The following RPGRIP1 variants were observed in gnomAD, a reference collection of about 807,000 sequenced individuals.
The protein encoded by RPGRIP1 is X-linked retinitis pigmentosa GTPase regulator-interacting protein 1.
In RPGRIP1, 128 loss-of-function variants were observed where a neutral mutation model predicts 157.9. The observed-to-expected ratio is 0.81, with a 90% confidence interval of 0.70 to 0.94. RPGRIP1 has a LOEUF of 0.94. Among genes scored for constraint, RPGRIP1 ranks in the 40% least tolerant of loss-of-function variants. The probability of loss-of-function intolerance (pLI) is 0.00; values close to 1 mark genes in which losing one functional copy is unlikely to be tolerated. For missense variants in RPGRIP1, 1,486 were observed against 1,545.8 expected (o/e 0.96, Z 0.65); for synonymous variants, 554 against 571.6 (o/e 0.97, Z 0.44).
In RPGRIP1 at chr14:21,343,088, C is replaced by G. The variant is rs755631828; in HGVS notation, c.3392C>G (p.Ala1131Gly). The change falls in exon 22 of 25, where the codon GCA becomes GGA. Residue 1131 changes from alanine (A) to glycine (G), a missense_variant. Coordinates refer to ENST00000400017, the MANE Select transcript of RPGRIP1 (RefSeq NM_020366.4). ...EIVSLAFYPE[A>G]EVMSDENIKQ... Reference sequence around the variant, plus strand: ...GTCTCCCTGGCCTTCTACCCAGAGGCAGAAGTGATGTCTGATGAGAACATA... The same window carrying G: ...GTCTCCCTGGCCTTCTACCCAGAGGGAGAAGTGATGTCTGATGAGAACATA... 6.2e-7 allele frequency: 1 copy of G among 1,612,882 alleles called. No homozygotes were observed. Among genetic ancestry groups the G allele is most frequent in the South Asian group, 1.1e-5 (1 of 91,020 alleles).
intron 19 of RPGRIP1, among the ~76,000 whole-genome samples, chr14:21,329,412 T>A (rs1481892087): frequency 6.6e-6 from 1 of 152,130 alleles, no homozygotes; most frequent in Non-Finnish European, 1.5e-5. Context: ...CCCTGGACTG[T>A]TCATTTCAAT....
At chr14:21,327,512 T>C (rs1883236437) in intron 17 of RPGRIP1, 111 bp from the exon 18 acceptor site, 1 of 841,354 alleles carries the variant, frequency 1.2e-6, no homozygotes, top group African/African-American at 1.7e-5. Context: ...AATTAATTGC[T>C]GATAAAATAT....
intron 2 of RPGRIP1, among the ~76,000 whole-genome samples, chr14:21,292,295 G>T (rs1880562838): frequency 6.6e-6 from 1 of 150,878 alleles, no homozygotes; most frequent in Non-Finnish European, 1.5e-5. Context: ...ACATTATTTT[G>T]CAGGTTCTTT....
intron 4 of RPGRIP1, among the ~76,000 whole-genome samples, chr14:21,301,989 A>G (rs1038219899): frequency 6.6e-6 from 1 of 152,130 alleles, no homozygotes; most frequent in Non-Finnish European, 1.5e-5. Context: ...GGTAAAGGAA[A>G]TCTACACACA....
At chr14:21,309,360 A>T (rs1198040833) in intron 7 of RPGRIP1, among the ~76,000 whole-genome samples, 1 of 152,032 alleles carries the variant, frequency 6.6e-6, no homozygotes, top group African/African-American at 2.4e-5. Context: ...AAAAATAGAA[A>T]AATTAGACAG....
At chr14:21,342,543 CAA>C (rs58979311) in intron 21 of RPGRIP1, among the ~76,000 whole-genome samples, 71 of 113,240 alleles carry the variant, frequency 6.3e-4, no homozygotes, top group Middle Eastern at 4.5e-3. Flanking sequence ...GACTCTGTCT[CAA>C]AAAAAAAAAA....
intron 23 of RPGRIP1, among the ~76,000 whole-genome samples, chr14:21,346,715 G>A (rs1041200126): frequency 1.3e-5 from 2 of 152,110 alleles, no homozygotes; most frequent in African/African-American, 4.8e-5. Flanking sequence ...TTGTTTGTTT[G>A]TTTTAGAGAC....
At position 21,324,938 on chromosome 14, in the gene RPGRIP1, C is replaced by A. The variant is rs377020451; in HGVS notation, c.2083C>A (p.Gln695Lys). The A allele has an allele frequency of 3.1e-6, 5 of 1,613,906 alleles. No individual in the cohort carries two copies. In the African/African-American group the frequency reaches 6.7e-5, roughly 22 times the overall value. ...AGATTCGCTTTTCTTACACTACCTT[C>A]AAGAGGCTTCAGCCCGGCTTGACAT... Reference protein sequence around the residue: ...ETDSLFLHYLQEASARLDIHQ... With the variant: ...ETDSLFLHYLKEASARLDIHQ... Residue 695 changes from glutamine to lysine, a missense_variant, in exon 15 of 25, where the codon CAA becomes AAA. By Grantham distance (53) the Gln-to-Lys change is moderately conservative. Transcript: ENST00000400017.
At chr14:21,348,548 T>A (rs1355194651) in intron 24 of RPGRIP1, among the ~76,000 whole-genome samples, 8 of 152,168 alleles carry the variant, frequency 5.3e-5, no homozygotes, top group Non-Finnish European at 1.0e-4. Flanking sequence ...AAAAGGAGAT[T>A]TTTAAAAAGA....
chr14:21,296,283 T>A (rs1594168693), intron 3 of RPGRIP1, among the ~76,000 whole-genome samples: 1 of 151,864 alleles, frequency 6.6e-6, no homozygotes, highest in African/African-American at 2.4e-5. Flanking sequence ...CCCAGGCTGG[T>A]CTCGAACTCC....
At chr14:21,340,562 G>A (rs1884891397) in intron 21 of RPGRIP1, among the ~76,000 whole-genome samples, 1 of 152,154 alleles carries the variant, frequency 6.6e-6, no homozygotes. Flanking sequence ...GGCTGGGGCA[G>A]GAGAATCGCT....
intron 10 of RPGRIP1, among the ~76,000 whole-genome samples, chr14:21,314,546 G>A (rs551432443): frequency 6.6e-6 from 1 of 151,382 alleles, no homozygotes; most frequent in Non-Finnish European, 1.5e-5. Context: ...GAGCTCAGGA[G>A]TTCACGACCA....
chr14:21,300,991 A>AC lies in RPGRIP1; in HGVS notation c.246dup (p.Ala83ArgfsTer96). The AC allele has an allele frequency of 6.2e-7, 1 of 1,612,878 alleles. No individual in the cohort carries two copies. The highest frequency in any genetic ancestry group is 8.5e-7 in the Non-Finnish European group (1 of 1,179,414). On this transcript the variant is annotated frameshift_variant, in exon 4 of 25. Transcript: ENST00000400017. LOFTEE classifies it high-confidence loss of function. ...GCTGAGGACCACCTTGCTGCGGTTG[A>AC]CCGCTGCTGGCCGGGACCTGCGGGT...
chr14:21,285,098 G>A (rs191840288), intron 1 of RPGRIP1, among the ~76,000 whole-genome samples: 1 of 152,080 alleles, frequency 6.6e-6, no homozygotes, highest in Admixed American at 6.6e-5. Flanking sequence ...GTTTTAGTGA[G>A]AGGGGACAGA....
chr14:21,308,646 G>A (rs1198217820), intron 7 of RPGRIP1, among the ~76,000 whole-genome samples: 1 of 152,126 alleles, frequency 6.6e-6, no homozygotes, highest in Admixed American at 6.5e-5. Flanking sequence ...CAGGTGGAGC[G>A]GCTTTAAGGA....
chr14:21,296,325 C>T (rs907025464), intron 3 of RPGRIP1, among the ~76,000 whole-genome samples: 1 of 152,052 alleles, frequency 6.6e-6, no homozygotes, highest in Non-Finnish European at 1.5e-5. Context: ...CCTCGGCCTC[C>T]CAAAGCGCTA....
At chr14:21,345,657 G>A (rs940413073) in intron 23 of RPGRIP1, among the ~76,000 whole-genome samples, 4 of 151,994 alleles carry the variant, frequency 2.6e-5, no homozygotes, top group Non-Finnish European at 4.4e-5. Flanking sequence ...TGCCCTCCTC[G>A]GCCTCCCAGA....
intron 11 of RPGRIP1, among the ~76,000 whole-genome samples, chr14:21,319,706 G>A (rs764028833): frequency 1.1e-4 from 16 of 152,218 alleles, no homozygotes; most frequent in Non-Finnish European, 2.1e-4. Context: ...TACTGGTTTC[G>A]ATGCTGCTGT....
At chr14:21,292,468 C>G (rs1880572738) in intron 2 of RPGRIP1, among the ~76,000 whole-genome samples, 1 of 152,158 alleles carries the variant, frequency 6.6e-6, no homozygotes, top group African/African-American at 2.4e-5. Context: ...TGCCTGTAAT[C>G]TCAGCACATT....
Sources: allele counts gnomAD v4.1 joint callset (sites outside exome capture counted in the v4.1 genomes callset), GRCh38; gene constraint gnomAD v4.1.1; transcripts MANE v1.5; gene names NCBI Gene and HGNC (gene_info 2026-07-23, HGNC 2026-07-21).